The following GPC5 variants were observed in gnomAD, a reference collection of about 807,000 sequenced individuals.
GPC5 encodes the protein glypican-5.
Under a neutral mutation model 53.9 loss-of-function variants are expected in GPC5, and 47 were observed. The ratio of observed to expected loss-of-function variants is 0.87; its 90% CI spans 0.69 to 1.11. The LOEUF is 1.11. Ranked by LOEUF, GPC5 falls within the 50% of genes most tolerant of loss-of-function variation. The probability of loss-of-function intolerance (pLI) is 0.00; values close to 1 mark genes in which losing one functional copy is unlikely to be tolerated. For synonymous variants in GPC5, 286 were observed against 263.3 expected (o/e 1.09, Z -0.84); for missense variants, 748 against 713.1 (o/e 1.05, Z -0.56).
At chr13:92,100,107 TA>T (rs1033921808) in intron 6 of GPC5, among the ~76,000 whole-genome samples, 1 of 151,852 alleles carries the variant, frequency 6.6e-6, no homozygotes, top group Non-Finnish European at 1.5e-5. Flanking sequence ...AAAACTACAT[TA>T]AAAAAATAAA....
At chr13:92,014,036 C>T (rs138601598) in intron 6 of GPC5, among the ~76,000 whole-genome samples, 273 of 152,172 alleles carry the variant, frequency 1.8e-3, no homozygotes, top group Admixed American at 3.0e-3. Flanking sequence ...AAAATTGAGA[C>T]TTCTAGGATA....
intron 2 of GPC5, among the ~76,000 whole-genome samples, chr13:91,592,966 G>C (rs138904710): frequency 7.9e-5 from 12 of 152,332 alleles, no homozygotes; most frequent in African/African-American, 2.9e-4. Context: ...TGGGCCAGGG[G>C]TGCCCCTGTC....
chr13:91,791,188 C>T (rs2037958285), intron 5 of GPC5, among the ~76,000 whole-genome samples: 3 of 152,168 alleles, frequency 2.0e-5, no homozygotes, highest in Admixed American at 6.5e-5. Flanking sequence ...GACACTAGAA[C>T]TGGTGGAACA....
intron 6 of GPC5, among the ~76,000 whole-genome samples, chr13:92,103,082 G>A (rs7994808): frequency 0.53 from 80,906 of 151,642 alleles, 21,963 homozygotes; most frequent in East Asian, 0.79. Context: ...CACTGTTTTC[G>A]AACTCCTGGG....
chr13:91,819,322 G>C (rs2038453664), intron 5 of GPC5, among the ~76,000 whole-genome samples: 1 of 151,742 alleles, frequency 6.6e-6, no homozygotes, highest in African/African-American at 2.4e-5. Flanking sequence ...ATCACGCCCA[G>C]CTAATTTTTT....
At chr13:92,673,922 C>T (rs1232223507) in intron 7 of GPC5, among the ~76,000 whole-genome samples, 2 of 152,028 alleles carry the variant, frequency 1.3e-5, no homozygotes, top group African/African-American at 4.8e-5. Flanking sequence ...ACCAAGGTTC[C>T]ATTTTCAATT....
At chr13:91,809,470 C>T (rs2038275950) in intron 5 of GPC5, among the ~76,000 whole-genome samples, 1 of 152,070 alleles carries the variant, frequency 6.6e-6, no homozygotes, top group South Asian at 2.1e-4. Flanking sequence ...ACTGTAAATC[C>T]TCTGGCTGAC....
chr13:91,942,927 T>G (rs911365983), intron 6 of GPC5, among the ~76,000 whole-genome samples: 1 of 152,104 alleles, frequency 6.6e-6, no homozygotes, highest in Non-Finnish European at 1.5e-5. Flanking sequence ...AAGCTCTTCA[T>G]GGAGACATTA....
chr13:91,836,875 T>C (rs1349949946), intron 5 of GPC5, among the ~76,000 whole-genome samples: 1 of 151,450 alleles, frequency 6.6e-6, no homozygotes, highest in Non-Finnish European at 1.5e-5. Flanking sequence ...ATAAGAAATC[T>C]GTTCCCATTC....
At chr13:92,302,856 C>T (rs1454066805) in intron 7 of GPC5, among the ~76,000 whole-genome samples, 2 of 152,164 alleles carry the variant, frequency 1.3e-5, no homozygotes, top group African/African-American at 4.8e-5. Flanking sequence ...TTCTCTCTTG[C>T]AATAAAACCG....
intron 7 of GPC5, among the ~76,000 whole-genome samples, chr13:92,214,388 A>G (rs759873046): frequency 7.2e-5 from 11 of 152,134 alleles, no homozygotes; most frequent in Non-Finnish European, 1.3e-4. Flanking sequence ...TGAAGTGTCC[A>G]CCTAAGAGCC....
intron 7 of GPC5, among the ~76,000 whole-genome samples, chr13:92,539,513 G>A (rs191007140): frequency 2.0e-5 from 3 of 152,068 alleles, no homozygotes; most frequent in Admixed American, 2.0e-4. Flanking sequence ...TTTTGATGGG[G>A]TTGTTTATTT....
At chr13:92,681,852 A>G (rs1887121011) in intron 7 of GPC5, among the ~76,000 whole-genome samples, 1 of 152,150 alleles carries the variant, frequency 6.6e-6, no homozygotes, top group African/African-American at 2.4e-5. Flanking sequence ...TTTGTGGTGG[A>G]ATTCAGTCTT....
chr13:92,606,428 T>C (rs528997702), intron 7 of GPC5, among the ~76,000 whole-genome samples: 1 of 152,332 alleles, frequency 6.6e-6, no homozygotes, highest in South Asian at 2.1e-4. Context: ...CATCCTTTTT[T>C]ATGGCTGCAT....
At chr13:91,863,508 T>C (rs1398436362) in intron 5 of GPC5, among the ~76,000 whole-genome samples, 1 of 152,164 alleles carries the variant, frequency 6.6e-6, no homozygotes, top group Non-Finnish European at 1.5e-5. Context: ...TGAACAAATG[T>C]CTGAAACTGA....
intron 5 of GPC5, among the ~76,000 whole-genome samples, chr13:91,836,156 A>C (rs2038721081): frequency 6.6e-6 from 1 of 152,070 alleles, no homozygotes; most frequent in South Asian, 2.1e-4. Context: ...TTTTGACAAT[A>C]AATACTCTAA....
intron 2 of GPC5, among the ~76,000 whole-genome samples, chr13:91,558,382 G>T (rs2031076810): frequency 6.6e-6 from 1 of 152,068 alleles, no homozygotes; most frequent in South Asian, 2.1e-4. Flanking sequence ...TATTGTTTTA[G>T]TTACACTTCT....
At chr13:92,446,522 A>G (rs1358845415) in intron 7 of GPC5, 2 of 151,596 alleles carry the variant, frequency 1.3e-5, no homozygotes, top group African/African-American at 2.4e-5. Flanking sequence ...TTCTTTATCC[A>G]TTCATCTGCT....
intron 6 of GPC5, among the ~76,000 whole-genome samples, chr13:92,129,156 A>G (rs139575016): frequency 2.0e-5 from 3 of 152,290 alleles, no homozygotes; most frequent in East Asian, 1.9e-4. Context: ...AATCTCCAAC[A>G]GAATTTTGAG....
Sources: gnomAD v4.1 joint callset for allele counts (sites outside exome capture counted in the v4.1 genomes callset) on GRCh38, gnomAD v4.1.1 for gene constraint, MANE v1.5 for transcripts, NCBI Gene and HGNC (gene_info 2026-07-23, HGNC 2026-07-21) for gene names.